FHIT: variants seen among roughly 807,000 people sequenced by gnomAD.
FHIT encodes fragile histidine triad diadenosine triphosphatase.
In FHIT, 19 loss-of-function variants were observed where a neutral mutation model predicts 17.9. The ratio of observed to expected loss-of-function variants is 1.06; its 90% CI spans 0.74 to 1.56. FHIT has a LOEUF of 1.56. FHIT is among the 40% of genes most tolerant of loss of function. FHIT has a pLI of 0.00. For synonymous variants in FHIT, 81 were observed against 69.7 expected, an observed-to-expected ratio of 1.16 and a Z score of -0.81; for missense variants, 248 against 189.2, an observed-to-expected ratio of 1.31 and a Z score of -1.82.
chr3:60,613,190 G>A (rs1553674342), intron 4 of FHIT, among the ~76,000 whole-genome samples: 3 of 152,082 alleles, frequency 2.0e-5, no homozygotes, highest in Admixed American at 1.3e-4. Flanking sequence ...GATACTTACA[G>A]GTCAGAAGGG....
intron 4 of FHIT, among the ~76,000 whole-genome samples, chr3:60,730,952 T>C (rs1388191953): frequency 9.7e-5 from 5 of 51,660 alleles, no homozygotes; most frequent in African/African-American, 3.8e-4. Flanking sequence ...CAGTCTCTAA[T>C]AAAAATACAA....
At chr3:61,022,368 A>C (rs1249904742) in intron 3 of FHIT, among the ~76,000 whole-genome samples, 1 of 152,202 alleles carries the variant, frequency 6.6e-6, no homozygotes, top group African/African-American at 2.4e-5. Context: ...TACCAACCAA[A>C]CAAAGCCCAG....
chr3:60,119,227 C>T (rs1705133422), intron 5 of FHIT, among the ~76,000 whole-genome samples: 1 of 151,762 alleles, frequency 6.6e-6, no homozygotes, highest in Admixed American at 6.6e-5. Flanking sequence ...GTACCTGCCA[C>T]CATGCCCAGC....
intron 8 of FHIT, among the ~76,000 whole-genome samples, chr3:59,782,755 T>A (rs565263565): frequency 7.2e-5 from 11 of 152,308 alleles, no homozygotes; most frequent in African/African-American, 2.6e-4. Flanking sequence ...GACTCCAAGC[T>A]TGCAGGCAGG....
At chr3:60,478,033 G>C (rs1371430317) in intron 5 of FHIT, among the ~76,000 whole-genome samples, 2 of 152,046 alleles carry the variant, frequency 1.3e-5, no homozygotes, top group African/African-American at 4.8e-5. Flanking sequence ...AATAATAATT[G>C]CAACAAAAGT....
intron 5 of FHIT, among the ~76,000 whole-genome samples, chr3:60,510,203 C>T (rs1366664625): frequency 6.6e-6 from 1 of 152,140 alleles, no homozygotes; most frequent in Admixed American, 6.5e-5. Context: ...GCCATCTTGG[C>T]GAGTGGGGAA....
At chr3:60,199,986 ATT>A (rs1702824361) in intron 5 of FHIT, among the ~76,000 whole-genome samples, 1 of 152,178 alleles carries the variant, frequency 6.6e-6, no homozygotes, top group African/African-American at 2.4e-5. Flanking sequence ...TTTATTCTGC[ATT>A]TGTTGTACCT....
intron 5 of FHIT, among the ~76,000 whole-genome samples, chr3:60,064,774 T>C (rs1417843634): frequency 3.3e-5 from 5 of 152,234 alleles, no homozygotes; most frequent in African/African-American, 7.2e-5. Flanking sequence ...TACATCCCTT[T>C]CACCTTAACC....
intron 4 of FHIT, among the ~76,000 whole-genome samples, chr3:60,593,020 C>G (rs552426767): frequency 6.6e-6 from 1 of 152,192 alleles, no homozygotes; most frequent in Admixed American, 6.5e-5. Context: ...AAATTGATGG[C>G]ACAGACAGGC....
At chr3:60,718,047 G>T (rs1393692129) in intron 4 of FHIT, among the ~76,000 whole-genome samples, 1 of 152,154 alleles carries the variant, frequency 6.6e-6, no homozygotes, top group African/African-American at 2.4e-5. Context: ...CATTCTGTCA[G>T]TATGGTATTG....
chr3:61,022,716 T>C (rs1425017014), intron 3 of FHIT, among the ~76,000 whole-genome samples: 2 of 152,066 alleles, frequency 1.3e-5, no homozygotes, highest in Non-Finnish European at 2.9e-5. Context: ...ACATAATCCC[T>C]CACATAAACA....
chr3:60,124,321 G>C (rs74649850), intron 5 of FHIT, among the ~76,000 whole-genome samples: 11,106 of 151,664 alleles, frequency 0.073, 565 homozygotes, highest in Admixed American at 0.12. Flanking sequence ...GCTCAGAAAG[G>C]CTTATTTCTT....
At chr3:60,891,271 T>G (rs907065667) in intron 3 of FHIT, among the ~76,000 whole-genome samples, 7 of 152,186 alleles carry the variant, frequency 4.6e-5, no homozygotes, top group African/African-American at 1.7e-4. Context: ...TCTGAAAAAC[T>G]ACTCCATCTT....
At chr3:60,034,044 T>C (rs190299101) in intron 5 of FHIT, among the ~76,000 whole-genome samples, 10 of 152,310 alleles carry the variant, frequency 6.6e-5, no homozygotes, top group South Asian at 2.1e-4. Flanking sequence ...ACTTACATGA[T>C]TGAGTACTTA....
intron 5 of FHIT, among the ~76,000 whole-genome samples, chr3:60,193,351 A>G (rs549281896): frequency 6.6e-6 from 1 of 152,296 alleles, no homozygotes; most frequent in South Asian, 2.1e-4. Context: ...TCAGGCTGCA[A>G]AGGTCTGGGC....
At chr3:60,780,787 C>A (rs1240403740) in intron 4 of FHIT, among the ~76,000 whole-genome samples, 4 of 152,162 alleles carry the variant, frequency 2.6e-5, no homozygotes, top group African/African-American at 9.7e-5. Context: ...CCCGAAAAAC[C>A]TCCAGTCAGC....
intron 8 of FHIT, among the ~76,000 whole-genome samples, chr3:59,848,121 G>A (rs377149494): frequency 6.6e-6 from 1 of 152,064 alleles, no homozygotes; most frequent in Non-Finnish European, 1.5e-5. Context: ...TTTGCCCACC[G>A]TGGCTCCCAC....
intron 4 of FHIT, among the ~76,000 whole-genome samples, chr3:60,543,354 C>G (rs1284445597): frequency 6.6e-6 from 1 of 152,134 alleles, no homozygotes; most frequent in Non-Finnish European, 1.5e-5. Context: ...TAAATTTTAG[C>G]CTCCACTCTG....
chr3:60,408,560 A>G (rs1278408855), intron 5 of FHIT, among the ~76,000 whole-genome samples: 1 of 152,186 alleles, frequency 6.6e-6, no homozygotes, highest in African/African-American at 2.4e-5. Context: ...AAGATCAGTG[A>G]ATGTCTCAAG....
Sources: gnomAD v4.1 joint callset for allele counts (sites outside exome capture counted in the v4.1 genomes callset) on GRCh38, gnomAD v4.1.1 for gene constraint, MANE v1.5 for transcripts, NCBI Gene and HGNC (gene_info 2026-07-23, HGNC 2026-07-21) for gene names.